Variants in GALNT13 observed in about 807,000 individuals in gnomAD.
GALNT13 encodes polypeptide N-acetylgalactosaminyltransferase 13.
In GALNT13, 28 loss-of-function variants were observed where a neutral mutation model predicts 64.2. The observed-to-expected ratio is 0.44, with a 90% CI of 0.32 to 0.60. GALNT13 has a LOEUF of 0.60. GALNT13 is among the 20% of genes least tolerant of loss of function. GALNT13 has a pLI of 0.05. For missense variants in GALNT13, 577 were observed against 669.8 expected (o/e 0.86, Z 1.53); for synonymous variants, 214 against 224.6 (o/e 0.95, Z 0.42).
chr2:153,753,416 C>T, the GALNT13 span, among the ~76,000 whole-genome samples: 2 of 152,096 alleles, frequency 1.3e-5, no homozygotes, highest in Non-Finnish European at 2.9e-5. Flanking sequence ...TTTGAAATGA[C>T]TTGAGTTTTG....
chr2:154,327,200 G>C (rs1258931649), intron 9 of GALNT13, among the ~76,000 whole-genome samples: 1 of 151,988 alleles, frequency 6.6e-6, no homozygotes, highest in Non-Finnish European at 1.5e-5. Flanking sequence ...CCTTTGTTCG[G>C]CATTTCTCCT....
intron 2 of GALNT13, among the ~76,000 whole-genome samples, chr2:153,910,092 A>G (rs947235376): frequency 6.7e-6 from 1 of 148,868 alleles, no homozygotes; most frequent in African/African-American, 2.5e-5. Context: ...TTGGTAGACT[A>G]TTTATTACTG....
At chr2:153,208,973 C>CTTTTTGTTTTTTTTTTTT in the GALNT13 span, among the ~76,000 whole-genome samples, 1 of 74,682 alleles carries the variant, frequency 1.3e-5, no homozygotes, top group Non-Finnish European at 2.4e-5. Flanking sequence ...TGGTTTTGGT[C>CTTTTTGTTTTTTTTTTTT]TTTTTTTTTT....
At chr2:153,677,445 TA>T in the GALNT13 span, among the ~76,000 whole-genome samples, 1 of 151,850 alleles carries the variant, frequency 6.6e-6, no homozygotes, top group Non-Finnish European at 1.5e-5. Flanking sequence ...TATTCATGAA[TA>T]AAAAGAATCA....
the GALNT13 span, among the ~76,000 whole-genome samples, chr2:153,180,453 A>G: frequency 6.6e-6 from 1 of 152,122 alleles, no homozygotes; most frequent in Non-Finnish European, 1.5e-5. Context: ...ACATTTGCAT[A>G]TATGTTCACC....
chr2:153,645,274 G>A, the GALNT13 span, among the ~76,000 whole-genome samples: 3 of 152,174 alleles, frequency 2.0e-5, no homozygotes, highest in Non-Finnish European at 4.4e-5. Context: ...AAAATTTAAC[G>A]ACCTTTTAAA....
chr2:153,967,897 G>A (rs559737325), intron 3 of GALNT13, among the ~76,000 whole-genome samples: 3 of 152,200 alleles, frequency 2.0e-5, no homozygotes, highest in East Asian at 3.9e-4. Flanking sequence ...AGGAGCAAAG[G>A]TCGGGAATTA....
chr2:154,030,638 G>A (rs1312035318), intron 3 of GALNT13, among the ~76,000 whole-genome samples: 2 of 152,116 alleles, frequency 1.3e-5, no homozygotes, highest in Non-Finnish European at 2.9e-5. Context: ...TGTCAGGGGA[G>A]GGACCTGGTT....
the GALNT13 span, chr2:153,478,132 G>T: frequency 3.5e-4 from 240 of 695,110 alleles, no homozygotes; most frequent in Non-Finnish European, 4.1e-4. Context: ...AGAAATAATT[G>T]ACTCCGACAG....
chr2:153,732,529 C>T, the GALNT13 span, among the ~76,000 whole-genome samples: 2 of 152,004 alleles, frequency 1.3e-5, no homozygotes, highest in Non-Finnish European at 2.9e-5. Flanking sequence ...TAACAATGAA[C>T]TCTACCCTAG....
At chr2:153,766,385 A>T in the GALNT13 span, among the ~76,000 whole-genome samples, 1 of 152,182 alleles carries the variant, frequency 6.6e-6, no homozygotes, top group Non-Finnish European at 1.5e-5. Context: ...GGATTCTTGC[A>T]CATAGTCGTT....
At chr2:153,595,441 A>G in the GALNT13 span, among the ~76,000 whole-genome samples, 1 of 151,952 alleles carries the variant, frequency 6.6e-6, no homozygotes, top group Non-Finnish European at 1.5e-5. Flanking sequence ...ACAAAATTTT[A>G]TGTTATATAA....
the GALNT13 span, among the ~76,000 whole-genome samples, chr2:153,510,876 AAG>A: frequency 6.6e-6 from 1 of 151,956 alleles, no homozygotes; most frequent in African/African-American, 2.4e-5. Flanking sequence ...TCTAGAAGGA[AAG>A]AGTTACCCAG....
At chr2:154,426,364 A>T (rs1700470941) in intron 11 of GALNT13, among the ~76,000 whole-genome samples, 1 of 152,152 alleles carries the variant, frequency 6.6e-6, no homozygotes, top group East Asian at 1.9e-4. Context: ...TGTATCTAAT[A>T]TCTTTGTAAT....
At chr2:153,860,942 T>C in the GALNT13 span, among the ~76,000 whole-genome samples, 1 of 152,190 alleles carries the variant, frequency 6.6e-6, no homozygotes, top group Non-Finnish European at 1.5e-5. Context: ...ATTCTGATTC[T>C]AAGTTAGGAT....
the GALNT13 span, among the ~76,000 whole-genome samples, chr2:153,799,572 G>T: frequency 6.6e-6 from 1 of 152,114 alleles, no homozygotes; most frequent in Non-Finnish European, 1.5e-5. Context: ...GGTGTCCATT[G>T]CTTCCTATTC....
At chr2:153,473,587 C>T in the GALNT13 span, among the ~76,000 whole-genome samples, 2 of 152,144 alleles carry the variant, frequency 1.3e-5, no homozygotes, top group East Asian at 3.9e-4. Flanking sequence ...TGGGATTTGA[C>T]AGGTAGAAAA....
At chr2:153,428,128 G>A in the GALNT13 span, among the ~76,000 whole-genome samples, 1 of 152,180 alleles carries the variant, frequency 6.6e-6, no homozygotes. Context: ...TAGCATGAAT[G>A]TGCAGTGGGC....
At chr2:154,413,703 C>T (rs1049782582) in intron 11 of GALNT13, among the ~76,000 whole-genome samples, 1 of 151,958 alleles carries the variant, frequency 6.6e-6, no homozygotes, top group East Asian at 1.9e-4. Context: ...CTGTTGGCTA[C>T]ACTCTGCTCC....
Sources: allele counts gnomAD v4.1 joint callset (sites outside exome capture counted in the v4.1 genomes callset), GRCh38; gene constraint gnomAD v4.1.1; transcripts MANE v1.5; gene names NCBI Gene and HGNC (gene_info 2026-07-23, HGNC 2026-07-21).